KALRN: variants seen among roughly 807,000 people sequenced by gnomAD.
KALRN encodes the protein kalirin.
A neutral mutation model predicts 353.7 loss-of-function variants in KALRN; 70 were observed. The ratio of observed to expected loss-of-function variants is 0.20; its 90% CI spans 0.16 to 0.24. KALRN has a LOEUF of 0.24. KALRN is among the 10% of genes least tolerant of loss of function. The pLI is 1.00. For missense variants in KALRN, 2,791 were observed against 3,756.7 expected (o/e 0.74, Z 6.72); for synonymous variants, 1,391 against 1,434.8 (o/e 0.97, Z 0.69).
chr3:124,318,824 G>A (rs900191949), intron 6 of KALRN, among the ~76,000 whole-genome samples: 14 of 152,144 alleles, frequency 9.2e-5, no homozygotes, highest in African/African-American at 3.4e-4. Context: ...TCAAGATGCT[G>A]GGGCTCTAGT....
intron 33 of KALRN, chr3:124,518,981 G>A: frequency 1.0e-6 from 1 of 990,108 alleles, no homozygotes; most frequent in Non-Finnish European, 1.2e-6. Flanking sequence ...GAAGAAGAAG[G>A]GATGATGTGT....
rs1403752792 is a variant in KALRN at position 124,442,044 on chromosome 3, G to A, written c.3298G>A (p.Glu1100Lys). The change falls in exon 19 of 60, where the codon GAG (glutamate) becomes AAG (lysine). Residue 1100 changes from glutamate (E) to lysine (K), a missense_variant. By Grantham distance (56) the Glu-to-Lys change is moderately conservative. Coordinates refer to ENST00000682506, the MANE Select transcript of KALRN (RefSeq NM_001388419.1). ...TGTCGCCAGCCACACTCGGGGACCC[G>A]AGCAACAAGTGAAAGGTCAGTGAGA... ...PSVASHTRGP[E>K]QQVKAILSEL... The A allele has an allele frequency of 2.5e-6, 4 of 1,599,256 alleles. No individual in the cohort carries two copies. The highest frequency in any genetic ancestry group is 1.1e-5 in the South Asian group (1 of 89,966).
At chr3:124,311,131 C>A (rs1237898315) in intron 6 of KALRN, among the ~76,000 whole-genome samples, 1 of 116,134 alleles carries the variant, frequency 8.6e-6, no homozygotes, top group Non-Finnish European at 1.6e-5. Flanking sequence ...CTGGATACTA[C>A]TTCTTCCCCA....
intron 1 of KALRN, among the ~76,000 whole-genome samples, chr3:124,052,628 A>T (rs913795898): frequency 6.6e-6 from 1 of 152,060 alleles, no homozygotes; most frequent in Non-Finnish European, 1.5e-5. Context: ...GCTCTCTTAC[A>T]TTTCCTTCCA....
At chr3:124,115,017 T>G (rs1217391066) in intron 1 of KALRN, among the ~76,000 whole-genome samples, 1 of 152,156 alleles carries the variant, frequency 6.6e-6, no homozygotes, top group Non-Finnish European at 1.5e-5. Flanking sequence ...ATTACCCAGT[T>G]AGAAAGTGCC....
At chr3:124,477,441 T>C (rs1577259458) in intron 27 of KALRN, 107 bp downstream of exon 27, 1 of 870,766 alleles carries the variant, frequency 1.1e-6, no homozygotes, top group East Asian at 2.5e-5. Context: ...TAATTTTTCT[T>C]TACTGGCCAC....
At chr3:124,094,211 G>C (rs2061290897) in intron 1 of KALRN, 1 of 156,236 alleles carries the variant, frequency 6.4e-6, no homozygotes, top group African/African-American at 2.4e-5. Flanking sequence ...AGCCCATGCT[G>C]TCTCTACTAT....
chr3:124,201,944 T>C (rs2075981259), intron 1 of KALRN, among the ~76,000 whole-genome samples: 1 of 152,162 alleles, frequency 6.6e-6, no homozygotes, highest in South Asian at 2.1e-4. Context: ...CACTCAGCAG[T>C]CTGGGGCCAG....
intron 34 of KALRN, among the ~76,000 whole-genome samples, chr3:124,566,963 G>A (rs905155681): frequency 6.6e-6 from 1 of 152,154 alleles, no homozygotes; most frequent in Non-Finnish European, 1.5e-5. Flanking sequence ...GGGACTATGT[G>A]TGAGGGCTAA....
Position 124,687,001 on chromosome 3 carries a change from A to T in KALRN, c.7378-6803A>T, listed in dbSNP as rs149921156. Among the ~76,000 whole-genome samples, 243 of 151,734 alleles carry T rather than the reference A, an allele frequency of 1.6e-3. 1 individual carries two copies. Among genetic ancestry groups the T allele is most frequent in the Admixed American group, 3.5e-3 (54 of 15,240 alleles). ...CAGCTAATTTTTAAATTTTTTTAGA[A>T]GTGGGTTCTCCCGATGTTGTTCAGG... On this transcript the variant is annotated intron_variant, in intron 51 of 59. Transcript: ENST00000682506.
At chr3:124,485,096 AAAAAAAATAAATGAATAAAATAAAAAATG>A (rs1212038432) in intron 28 of KALRN, among the ~76,000 whole-genome samples, 1 of 152,106 alleles carries the variant, frequency 6.6e-6, no homozygotes, top group African/African-American at 2.4e-5. Flanking sequence ...ACTCCGTCTC[AAAAAAAATAAATGAATAAAATAAAAAATG>A]AAATTATTTT....
intron 1 of KALRN, among the ~76,000 whole-genome samples, chr3:124,074,357 G>A (rs912873205): frequency 1.3e-5 from 2 of 152,218 alleles, no homozygotes; most frequent in Admixed American, 6.5e-5. Flanking sequence ...AGAAGGAAGG[G>A]CAGGGCCATG....
intron 33 of KALRN, chr3:124,518,820 C>A (rs1232384792): frequency 8.7e-7 from 1 of 1,155,858 alleles, no homozygotes; most frequent in African/African-American, 1.6e-5. Flanking sequence ...CCCTAGAGGT[C>A]TGCAACATGA....
chr3:124,483,234 G>A (rs2062171917), intron 28 of KALRN, among the ~76,000 whole-genome samples: 1 of 152,152 alleles, frequency 6.6e-6, no homozygotes, highest in Non-Finnish European at 1.5e-5. Context: ...CCTCCTGGTA[G>A]CCCCTGCTTT....
At chr3:124,092,635 A>C (rs903699170) in intron 1 of KALRN, among the ~76,000 whole-genome samples, 10 of 152,216 alleles carry the variant, frequency 6.6e-5, no homozygotes, top group Admixed American at 5.9e-4. Flanking sequence ...CCCGTATCTC[A>C]GTGAAACGTG....
chr3:124,095,091 A>G (rs1270380726), intron 1 of KALRN, among the ~76,000 whole-genome samples: 1 of 152,148 alleles, frequency 6.6e-6, no homozygotes, highest in African/African-American at 2.4e-5. Flanking sequence ...GGGGACATGT[A>G]TGACCCAGCT....
At chr3:124,717,102 T>C in intron 58 of KALRN, 145 bp from the exon 59 acceptor site, 1 of 604,810 alleles carries the variant, frequency 1.7e-6, no homozygotes, top group Non-Finnish European at 2.7e-6. Context: ...AGGCTCTAAC[T>C]AAATATGCAT....
intron 51 of KALRN, among the ~76,000 whole-genome samples, chr3:124,687,599 C>T (rs2061621408): frequency 6.9e-6 from 1 of 145,944 alleles, no homozygotes; most frequent in Non-Finnish European, 1.5e-5. Flanking sequence ...ATGTACTTGA[C>T]ACATGGACAC....
chr3:124,334,203 C>T lies in KALRN; in HGVS notation c.1417-62C>T, dbSNP rs2080891328. 1 of 1,404,388 alleles carries T rather than the reference C, an allele frequency of 7.1e-7. No homozygotes were observed. Among genetic ancestry groups the T allele is most frequent in the Non-Finnish European group, 1.0e-6 (1 of 992,682 alleles). The allele number at this position is 1,404,388 out of a possible 1,614,324, so 87.0% of individuals were successfully genotyped here. ...GGGACCCTCAGGCAGACACTTCCTG[C>T]TTCTCTCTGTGCCCTGCCTATCACC... On this transcript the variant is annotated intron_variant, in intron 8 of 59. Transcript: ENST00000682506. This position sits in a 1 kb window ranked among gnomAD's most constrained non-coding sequence, Gnocchi z 4.2.
Sources: gnomAD v4.1 joint callset for allele counts (sites outside exome capture counted in the v4.1 genomes callset) on GRCh38, gnomAD v4.1.1 for gene constraint, Gnocchi (gnomAD v3.1) non-coding constraint, MANE v1.5 for transcripts, NCBI Gene and HGNC (gene_info 2026-07-23, HGNC 2026-07-21) for gene names.